Variants in SIAH3 observed in about 807,000 individuals in gnomAD.
The protein encoded by SIAH3 is siah E3 ubiquitin protein ligase family member 3, also known as seven in absentia homolog 3.
Under a neutral mutation model 12.6 loss-of-function variants are expected in SIAH3, and 9 were observed. The observed-to-expected ratio is 0.72, with a 90% CI of 0.43 to 1.25. The LOEUF is 1.25. SIAH3 is among the 50% of genes most tolerant of loss of function. SIAH3 has a pLI of 0.00. For synonymous variants in SIAH3, 154 were observed against 151.1 expected (o/e 1.02, Z -0.14); for missense variants, 390 against 365.4 (o/e 1.07, Z -0.55).
chr13:45,800,278 G>A (rs775576650), intron 1 of SIAH3, among the ~76,000 whole-genome samples: 1 of 152,180 alleles, frequency 6.6e-6, no homozygotes, highest in Non-Finnish European at 1.5e-5. Flanking sequence ...GTCAAGAGAT[G>A]TAGCTGAACA....
intron 1 of SIAH3, among the ~76,000 whole-genome samples, chr13:45,791,205 C>G (rs948528329): frequency 6.6e-6 from 1 of 151,958 alleles, no homozygotes; most frequent in Non-Finnish European, 1.5e-5. Context: ...TAATTGGTAG[C>G]CTTTTCTCCT....
At chr13:45,846,687 A>C (rs1300697704) in intron 1 of SIAH3, among the ~76,000 whole-genome samples, 1 of 152,156 alleles carries the variant, frequency 6.6e-6, no homozygotes, top group Non-Finnish European at 1.5e-5. Flanking sequence ...AATTTTCCCA[A>C]ATAGTCCCTG....
intron 1 of SIAH3, among the ~76,000 whole-genome samples, chr13:45,822,701 A>G (rs1837230135): frequency 6.6e-6 from 1 of 151,834 alleles, no homozygotes; most frequent in Admixed American, 6.6e-5. Context: ...TGTTACTTGT[A>G]AAGGACTTGA....
In SIAH3 at chr13:45,784,457, A is replaced by T. The variant is rs113074256; in HGVS notation, c.136-400T>A. Among the ~76,000 whole-genome samples, 1,134 of 144,434 alleles carry T rather than the reference A, an allele frequency of 7.9e-3. 17 individuals carry two copies. Among genetic ancestry groups the T allele is most frequent in the African/African-American group, 0.028 (1,089 of 38,300 alleles). The allele number at this position is 144,434 out of a possible 152,430, so 94.8% of individuals were successfully genotyped here. A position where few individuals can be genotyped will look rare whatever the true frequency, so the allele number is the denominator to read the frequency against. The stretch of plus-strand genomic sequence containing the variant: ...TATTGTTGATAATTTTGTGCAGGCA[A>T]TGGAGGTCAATAGATTTTTTTTTTC... On this transcript the variant is annotated intron_variant, in intron 1 of 1. Coordinates refer to ENST00000400405, the MANE Select transcript of SIAH3 (RefSeq NM_198849.3).
intron 1 of SIAH3, among the ~76,000 whole-genome samples, chr13:45,825,397 T>G (rs1363978778): frequency 6.6e-6 from 1 of 152,176 alleles, no homozygotes; most frequent in Admixed American, 6.5e-5. Flanking sequence ...CGTTAACAGA[T>G]GGGAATGTGG....
At chr13:45,838,535 C>T (rs957853464) in intron 1 of SIAH3, among the ~76,000 whole-genome samples, 5 of 152,042 alleles carry the variant, frequency 3.3e-5, no homozygotes, top group African/African-American at 7.3e-5. Flanking sequence ...GCAGTGCCAG[C>T]GCCTGCCCCA....
intron 1 of SIAH3, among the ~76,000 whole-genome samples, chr13:45,818,784 C>A (rs1465648310): frequency 1.3e-5 from 2 of 152,228 alleles, no homozygotes; most frequent in Non-Finnish European, 2.9e-5. Context: ...AAATGGTTAA[C>A]TTAGTCATAT....
At chr13:45,795,981 A>C (rs80148475) in intron 1 of SIAH3, among the ~76,000 whole-genome samples, 1 of 152,230 alleles carries the variant, frequency 6.6e-6, no homozygotes, top group African/African-American at 2.4e-5. Flanking sequence ...AGAAGAGTAC[A>C]TGTTTAAGAA....
intron 1 of SIAH3, among the ~76,000 whole-genome samples, chr13:45,847,646 T>TGTGTGC (rs1474295664): frequency 1.3e-5 from 2 of 151,938 alleles, no homozygotes; most frequent in African/African-American, 4.8e-5. Context: ...TGTGTGTGTG[T>TGTGTGC]GTGCACGTGT....
Position 45,779,019 on chromosome 13 carries a change from A to G in SIAH3, c.*4364T>C, listed in dbSNP as rs1225042142. ...AACAACTGGCTTTCTAGGGAGAAAA[A>G]TCCCTGTCTAGTAGCATTTGCTAAT... is the stretch of plus-strand genomic sequence containing the variant. On this transcript the variant is annotated 3_prime_UTR_variant, in exon 2 of 2. Transcript: ENST00000400405. 1 of 152,114 alleles carries G rather than the reference A, an allele frequency of 6.6e-6. No homozygotes were observed. The highest frequency in any genetic ancestry group is 6.6e-5 in the Admixed American group (1 of 15,266). 9.4% of individuals were successfully genotyped at this position (152,114 alleles called of 1,614,324 possible). A position where few individuals can be genotyped will look rare whatever the true frequency, so the allele number is the denominator to read the frequency against.
intron 1 of SIAH3, among the ~76,000 whole-genome samples, chr13:45,847,212 C>A (rs1044603983): frequency 6.6e-6 from 1 of 152,160 alleles, no homozygotes; most frequent in Non-Finnish European, 1.5e-5. Flanking sequence ...TTGTTGGAAG[C>A]CTTTAACTGC....
chr13:45,836,724 G>A lies in SIAH3; in HGVS notation c.135+14771C>T, dbSNP rs143480726. On this transcript the variant is annotated intron_variant, in intron 1 of 1. Transcript: ENST00000400405. The stretch of plus-strand genomic sequence containing the variant: ...TGTGCAGTAAACCAACATGGGACAC[G>A]TTTACCTATGAAACAAACCTTCACA... 7.2e-5 allele frequency among the ~76,000 whole-genome samples: 11 copies of A among 152,224 alleles called. No homozygotes were observed. In the East Asian group the frequency reaches 1.2e-3, roughly 16 times the overall value.
intron 1 of SIAH3, among the ~76,000 whole-genome samples, chr13:45,794,965 T>A (rs1950557701): frequency 6.6e-6 from 1 of 151,962 alleles, no homozygotes; most frequent in African/African-American, 2.4e-5. Flanking sequence ...TTTTTTTTTT[T>A]AAATCTTGCC....
intron 1 of SIAH3, among the ~76,000 whole-genome samples, chr13:45,842,554 G>T (rs1311680061): frequency 6.6e-6 from 1 of 152,058 alleles, no homozygotes; most frequent in Non-Finnish European, 1.5e-5. Context: ...TCACTATGTT[G>T]CCCAGGCTGG....
chr13:45,844,936 A>G (rs773741929), intron 1 of SIAH3, among the ~76,000 whole-genome samples: 1 of 152,262 alleles, frequency 6.6e-6, no homozygotes, highest in Non-Finnish European at 1.5e-5. Flanking sequence ...GCATACACTT[A>G]GAAAATTTGT....
rs1950514688 is a variant in SIAH3 at position 45,783,748 on chromosome 13, G to A, written c.445C>T (p.His149Tyr). The A allele has an allele frequency of 1.2e-6, 2 of 1,614,064 alleles. No individual in the cohort carries two copies. Among genetic ancestry groups the A allele is most frequent in the Admixed American group, 1.7e-5 (1 of 60,002 alleles). ...ATCCAATCAGCCGGCGCGGGGAGGT[G>A]CATGTCCGTGGCCAGGAAGACGATC... Reference protein sequence around the residue: ...AEIVFLATDMHLPAPADWIIM... With the variant: ...AEIVFLATDMYLPAPADWIIM... Residue 149 changes from histidine to tyrosine, a missense_variant, in exon 2 of 2, where the codon CAC becomes TAC. By Grantham distance (83) the His-to-Tyr change is moderately conservative. Coordinates refer to ENST00000400405, the MANE Select transcript of SIAH3 (RefSeq NM_198849.3).
intron 1 of SIAH3, among the ~76,000 whole-genome samples, chr13:45,803,746 A>G (rs1309126004): frequency 6.6e-6 from 1 of 152,194 alleles, no homozygotes; most frequent in Non-Finnish European, 1.5e-5. Context: ...TCTATGCTAT[A>G]CATAGCATAG....
rs540030707 is a variant in SIAH3, at chr13:45,847,528, A to T, written c.135+3967T>A. Among the ~76,000 whole-genome samples the T allele has an allele frequency of 5.3e-5, 8 of 152,238 alleles. No individual in the cohort carries two copies. The South Asian group carries it at 1.7e-3, about 32-fold the overall frequency. Reference sequence around the variant, plus strand: ...GAATGGAAGGCACGTGGATGCATCAACAAATGGTACTGAAGTGCCCCAGCT... The same window carrying T: ...GAATGGAAGGCACGTGGATGCATCATCAAATGGTACTGAAGTGCCCCAGCT... On this transcript the variant is annotated intron_variant, in intron 1 of 1. Coordinates refer to ENST00000400405, the MANE Select transcript of SIAH3 (RefSeq NM_198849.3).
rs760156355 is a variant in SIAH3 at position 45,777,679 on chromosome 13, C to CA, written c.*5703dup. On this transcript the variant is annotated 3_prime_UTR_variant, in exon 2 of 2. Transcript: ENST00000400405. ...CAATTCCTGAAGAAAATCTTATGAA[C>CA]AAAAAAATCTGAAATTTAACAATCT... is the stretch of plus-strand genomic sequence containing the variant. 7.2e-5 allele frequency: 11 copies of CA among 152,102 alleles called. No individual in the cohort carries two copies. The South Asian group carries it at 1.9e-3, about 26-fold the overall frequency. The allele number at this position is 152,102 out of a possible 1,614,324, so 9.4% of individuals were successfully genotyped here. A position where few individuals can be genotyped will look rare whatever the true frequency, so the allele number is the denominator to read the frequency against.
Sources: gnomAD v4.1 joint callset for allele counts (sites outside exome capture counted in the v4.1 genomes callset) on GRCh38, gnomAD v4.1.1 for gene constraint, MANE v1.5 for transcripts, NCBI Gene and HGNC (gene_info 2026-07-23, HGNC 2026-07-21) for gene names.